The following SNX7 variants were observed in gnomAD, a reference collection of about 807,000 sequenced individuals.
SNX7 encodes sorting nexin 7.
Under a neutral mutation model 48.4 loss-of-function variants are expected in SNX7, and 35 were observed. That is an observed-to-expected ratio of 0.72 (90% confidence interval 0.55 to 0.96). The LOEUF is 0.96. SNX7 is among the 40% of genes least tolerant of loss of function. SNX7 has a pLI of 0.00. For synonymous variants in SNX7, 190 were observed against 190.2 expected (o/e 1.00, Z 0.01); for missense variants, 553 against 548.9 (o/e 1.01, Z -0.07).
chr1:98,742,805 A>G (rs1160485167), intron 8 of SNX7, among the ~76,000 whole-genome samples: 1 of 151,956 alleles, frequency 6.6e-6, no homozygotes, highest in East Asian at 1.9e-4. Flanking sequence ...GATTTTCTGC[A>G]TGGGTCTTTG....
chr1:98,672,196 C>G (rs1175483488), intron 1 of SNX7, among the ~76,000 whole-genome samples: 2 of 152,010 alleles, frequency 1.3e-5, no homozygotes. Context: ...GTTTATCTGT[C>G]AGCTGTGGCT....
intron 1 of SNX7, among the ~76,000 whole-genome samples, chr1:98,663,826 C>T (rs1371927838): frequency 1.3e-5 from 2 of 152,168 alleles, no homozygotes; most frequent in African/African-American, 2.4e-5. Context: ...GTTAACTGCG[C>T]GTGTTGGATG....
At chr1:98,730,181 C>A (rs553925401) in intron 7 of SNX7, among the ~76,000 whole-genome samples, 1 of 152,070 alleles carries the variant, frequency 6.6e-6, no homozygotes, top group Non-Finnish European at 1.5e-5. Flanking sequence ...TCAATAGATG[C>A]AGAAAAGGCC....
intron 2 of SNX7, 140 bp downstream of exon 2, chr1:98,685,207 A>G: frequency 2.1e-6 from 1 of 474,932 alleles, no homozygotes; most frequent in Non-Finnish European, 3.6e-6. Flanking sequence ...CTTTTGGCTA[A>G]CACATTGCTT....
At chr1:98,689,576 A>T (rs552633022) in intron 2 of SNX7, among the ~76,000 whole-genome samples, 2 of 152,318 alleles carry the variant, frequency 1.3e-5, no homozygotes, top group South Asian at 4.1e-4. Context: ...AGGGACGTAT[A>T]CAGCTCAATC....
intron 1 of SNX7, among the ~76,000 whole-genome samples, chr1:98,667,919 A>G (rs1480926530): frequency 2.0e-5 from 3 of 151,658 alleles, no homozygotes; most frequent in Non-Finnish European, 4.4e-5. Flanking sequence ...GAAAAAAAAA[A>G]CAAAAAAAAC....
At chr1:98,741,962 T>G (rs978136957) in intron 8 of SNX7, among the ~76,000 whole-genome samples, 1 of 152,254 alleles carries the variant, frequency 6.6e-6, no homozygotes, top group African/African-American at 2.4e-5. Flanking sequence ...ATTTGGAAAT[T>G]CTGGCAGGAA....
chr1:98,750,624 T>C (rs1049611020), intron 8 of SNX7, among the ~76,000 whole-genome samples: 3 of 152,040 alleles, frequency 2.0e-5, no homozygotes, highest in Admixed American at 6.6e-5. Context: ...AAGCCACTAA[T>C]TTTACTTGAG....
chr1:98,757,069 G>A (rs188609431), intron 8 of SNX7, among the ~76,000 whole-genome samples: 3 of 152,092 alleles, frequency 2.0e-5, no homozygotes, highest in Admixed American at 1.3e-4. Flanking sequence ...TACGCCATGC[G>A]GCATGCCTGC....
intron 8 of SNX7, among the ~76,000 whole-genome samples, chr1:98,746,468 T>TA (rs1014955926): frequency 2.0e-5 from 3 of 152,074 alleles, no homozygotes; most frequent in African/African-American, 7.2e-5. Flanking sequence ...GAAAGAAACC[T>TA]AGTCACCTTT....
intron 7 of SNX7, among the ~76,000 whole-genome samples, chr1:98,706,004 A>G (rs950833996): frequency 6.6e-6 from 1 of 152,172 alleles, no homozygotes; most frequent in Non-Finnish European, 1.5e-5. Context: ...GAGCTACAGA[A>G]TAAAAAGTGA....
chr1:98,744,995 C>T (rs1015457523), intron 8 of SNX7, among the ~76,000 whole-genome samples: 2 of 152,046 alleles, frequency 1.3e-5, no homozygotes, highest in African/African-American at 4.8e-5. Flanking sequence ...TTCAACAATA[C>T]TGGAACAATG....
intron 8 of SNX7, among the ~76,000 whole-genome samples, chr1:98,748,372 A>G (rs1396114743): frequency 3.9e-5 from 6 of 152,058 alleles, no homozygotes; most frequent in African/African-American, 9.7e-5. Flanking sequence ...TCGATTATCT[A>G]TGCAAATAAA....
chr1:98,693,948 A>G (rs1651287633), intron 4 of SNX7, among the ~76,000 whole-genome samples: 1 of 152,154 alleles, frequency 6.6e-6, no homozygotes, highest in Admixed American at 6.5e-5. Flanking sequence ...TTGTTCTTTT[A>G]ACTTATGCCA....
rs180923579 is a variant in SNX7, at chr1:98,669,568, G to C, written c.180+7657G>C. Reference sequence around the variant, plus strand: ...TGACTGTTACATCACCTGGGAGCTGGTTACAAATGCAGTCTCAGACCCCAG... The same window carrying C: ...TGACTGTTACATCACCTGGGAGCTGCTTACAAATGCAGTCTCAGACCCCAG... On this transcript the variant is annotated intron_variant, in intron 1 of 8. Transcript: ENST00000306121. Among the ~76,000 whole-genome samples the C allele has an allele frequency of 9.2e-5, 14 of 152,264 alleles. No homozygotes were observed. In the East Asian group the frequency reaches 2.3e-3, roughly 25 times the overall value.
chr1:98,695,562 G>A lies in SNX7; in HGVS notation c.684G>A (p.Arg228=), dbSNP rs759439336. ...HKKQGPGLLS[R]MGQTVRAVAS... ...AGCAAGGTCCTGGCTTGCTAAGCAG[G>A]ATGGGGCAAACCGTCAGAGCTGTTG... The change falls in exon 5 of 9, where the codon AGG becomes AGA. Residue 228 remains arginine, a synonymous_variant. Coordinates refer to ENST00000306121, the MANE Select transcript of SNX7 (RefSeq NM_015976.5). 1 of 1,614,108 alleles carries A rather than the reference G, an allele frequency of 6.2e-7. No homozygotes were observed. The highest frequency in any genetic ancestry group is 1.1e-5 in the South Asian group (1 of 91,080).
chr1:98,737,763 G>A (rs769826545), intron 7 of SNX7, among the ~76,000 whole-genome samples: 4 of 152,076 alleles, frequency 2.6e-5, no homozygotes, highest in African/African-American at 9.7e-5. Context: ...GGACTACAGA[G>A]TATGGATGTT....
At chr1:98,741,993 G>A (rs551661967) in intron 8 of SNX7, among the ~76,000 whole-genome samples, 8 of 152,186 alleles carry the variant, frequency 5.3e-5, no homozygotes, top group East Asian at 1.9e-4. Flanking sequence ...TTTAGGAACT[G>A]CTTTAGAATA....
intron 2 of SNX7, among the ~76,000 whole-genome samples, chr1:98,689,601 G>C (rs1278192789): frequency 1.3e-5 from 2 of 151,966 alleles, no homozygotes; most frequent in Admixed American, 1.3e-4. Flanking sequence ...TTTAACTGCT[G>C]GTTTTTTTCT....
Sources: allele counts gnomAD v4.1 joint callset (sites outside exome capture counted in the v4.1 genomes callset), GRCh38; gene constraint gnomAD v4.1.1; transcripts MANE v1.5; gene names NCBI Gene and HGNC (gene_info 2026-07-23, HGNC 2026-07-21).